Variants in CTNNA3 observed in about 807,000 individuals in gnomAD.
The protein encoded by CTNNA3 is catenin alpha 3.
CTNNA3 carries 76 observed loss-of-function variants against 95.7 expected under a neutral mutation model. That is an observed-to-expected ratio of 0.79 (90% confidence interval 0.66 to 0.96). The LOEUF (loss-of-function observed/expected upper bound fraction) is 0.96. Among genes scored for constraint, CTNNA3 ranks in the 40% least tolerant of loss-of-function variants. CTNNA3 has a pLI of 0.00. For missense variants in CTNNA3, 1,191 were observed against 1,089.8 expected, an observed-to-expected ratio of 1.09 and a Z score of -1.31; for synonymous variants, 431 against 374.4, an observed-to-expected ratio of 1.15 and a Z score of -1.74.
At chr10:66,380,376 T>A (rs1462996198) in intron 11 of CTNNA3, among the ~76,000 whole-genome samples, 1 of 151,938 alleles carries the variant, frequency 6.6e-6, no homozygotes, top group Non-Finnish European at 1.5e-5. Flanking sequence ...TTGGGAGACC[T>A]AGGAAGGAGG....
intron 5 of CTNNA3, among the ~76,000 whole-genome samples, chr10:67,282,239 C>T (rs1254503248): frequency 6.6e-6 from 1 of 152,070 alleles, no homozygotes; most frequent in Non-Finnish European, 1.5e-5. Context: ...TATTGAATCC[C>T]TACTATATGT....
intron 16 of CTNNA3, among the ~76,000 whole-genome samples, chr10:65,981,222 A>G (rs2078312932): frequency 6.6e-6 from 1 of 152,090 alleles, no homozygotes; most frequent in Non-Finnish European, 1.5e-5. Flanking sequence ...GAATTAAATC[A>G]AGAACTCAAC....
chr10:67,211,656 C>T (rs538004020), intron 6 of CTNNA3, among the ~76,000 whole-genome samples: 1 of 152,194 alleles, frequency 6.6e-6, no homozygotes, highest in African/African-American at 2.4e-5. Context: ...TCATATAATT[C>T]ATCCAATAGC....
chr10:67,229,005 G>A (rs918796674), intron 5 of CTNNA3, among the ~76,000 whole-genome samples: 1 of 151,914 alleles, frequency 6.6e-6, no homozygotes, highest in Admixed American at 6.6e-5. Context: ...ACCAGGAAAG[G>A]ACATAAACAA....
intron 6 of CTNNA3, among the ~76,000 whole-genome samples, chr10:67,192,847 G>C (rs1863179881): frequency 6.6e-6 from 1 of 151,844 alleles, no homozygotes; most frequent in Admixed American, 6.6e-5. Context: ...AACTACCTAA[G>C]CATCTGCAGA....
At chr10:67,097,902 A>C (rs1858108684) in intron 7 of CTNNA3, 2 of 949,044 alleles carry the variant, frequency 2.1e-6, no homozygotes, top group Admixed American at 2.4e-5. Flanking sequence ...AAAACACAAA[A>C]TCCCCTGTTC....
intron 12 of CTNNA3, among the ~76,000 whole-genome samples, chr10:66,288,295 T>C (rs537325587): frequency 2.6e-5 from 4 of 152,098 alleles, no homozygotes; most frequent in African/African-American, 9.6e-5. Flanking sequence ...TATGAGAAGA[T>C]AGATTTGTCT....
intron 9 of CTNNA3, among the ~76,000 whole-genome samples, chr10:66,671,610 A>T (rs929552044): frequency 1.3e-4 from 20 of 152,180 alleles, no homozygotes; most frequent in African/African-American, 4.3e-4. Flanking sequence ...ATTGTAATGA[A>T]AATGTTTTTA....
chr10:66,672,953 ATTC>A (rs1846717418), intron 9 of CTNNA3, among the ~76,000 whole-genome samples: 2 of 152,088 alleles, frequency 1.3e-5, no homozygotes, highest in African/African-American at 4.8e-5. Flanking sequence ...AAATTATTTT[ATTC>A]TTCTAAATAT....
chr10:67,727,140 A>AT (rs1841238382), intron 1 of CTNNA3, among the ~76,000 whole-genome samples: 1 of 122,674 alleles, frequency 8.2e-6, no homozygotes, highest in East Asian at 2.3e-4. Flanking sequence ...AATATATGAT[A>AT]CATATATTAT....
At chr10:66,246,048 G>A (rs535728413) in intron 13 of CTNNA3, among the ~76,000 whole-genome samples, 1 of 152,156 alleles carries the variant, frequency 6.6e-6, no homozygotes, top group Non-Finnish European at 1.5e-5. Context: ...CAGCTTTCAG[G>A]CCCTCTATGG....
At chr10:66,239,332 T>A (rs1309342472) in intron 13 of CTNNA3, among the ~76,000 whole-genome samples, 2 of 151,952 alleles carry the variant, frequency 1.3e-5, no homozygotes, top group African/African-American at 4.8e-5. Context: ...GCTTTTATTC[T>A]TTTAACTTTG....
rs10997691 is a variant in CTNNA3, at chr10:67,521,827, A to C, written c.579+15T>G. 0.13 allele frequency: 214,193 copies of C among 1,610,468 alleles called. 17,187 individuals are homozygous for C. The highest frequency in any genetic ancestry group is 0.31 in the East Asian group (13,770 of 44,842). On this transcript the variant is annotated intron_variant, in intron 5 of 17. Coordinates refer to ENST00000433211, the MANE Select transcript of CTNNA3 (RefSeq NM_013266.4). ...AGTGTTCATCTCCTCCACCAAGGAG[A>C]GCTCTGACTCCTACCTGCTGACGTT...
At chr10:66,328,274 CAG>C (rs1215826958) in intron 12 of CTNNA3, among the ~76,000 whole-genome samples, 2 of 152,022 alleles carry the variant, frequency 1.3e-5, no homozygotes, top group Non-Finnish European at 2.9e-5. Context: ...AATGGCAAAA[CAG>C]GGCTTAGATC....
At chr10:66,276,149 TCCCTG>T (rs2091393062) in intron 13 of CTNNA3, among the ~76,000 whole-genome samples, 1 of 152,104 alleles carries the variant, frequency 6.6e-6, no homozygotes, top group African/African-American at 2.4e-5. Flanking sequence ...ATGTTCCTAT[TCCCTG>T]ATATATAGAG....
intron 13 of CTNNA3, among the ~76,000 whole-genome samples, chr10:66,105,134 T>A (rs2081836650): frequency 6.6e-6 from 1 of 152,232 alleles, no homozygotes; most frequent in South Asian, 2.1e-4. Context: ...TTCAATGTGC[T>A]ATTTTTTATC....
At chr10:66,710,193 T>C (rs892481141) in intron 9 of CTNNA3, among the ~76,000 whole-genome samples, 1 of 152,148 alleles carries the variant, frequency 6.6e-6, no homozygotes, top group Non-Finnish European at 1.5e-5. Flanking sequence ...GTGTGGAAGA[T>C]GGTGTCTTCA....
In CTNNA3 at chr10:66,346,426, G is replaced by A. The variant is rs113311199; in HGVS notation, c.1732+32726C>T. On this transcript the variant is annotated intron_variant, in intron 12 of 17. Coordinates refer to ENST00000433211, the MANE Select transcript of CTNNA3 (RefSeq NM_013266.4). Reference sequence around the variant, plus strand: ...CCTGAGTAGCTGGGACTACACACATGCACCACCATGCTCGGCTAAGTTTTG... The same window carrying A: ...CCTGAGTAGCTGGGACTACACACATACACCACCATGCTCGGCTAAGTTTTG... Among the ~76,000 whole-genome samples the A allele has an allele frequency of 2.1e-3, 322 of 151,540 alleles. 2 individuals are homozygous for A. The highest frequency in any genetic ancestry group is 7.1e-3 in the African/African-American group (293 of 41,392).
At chr10:67,260,833 T>G (rs181082394) in intron 5 of CTNNA3, among the ~76,000 whole-genome samples, 1 of 151,992 alleles carries the variant, frequency 6.6e-6, no homozygotes, top group Non-Finnish European at 1.5e-5. Flanking sequence ...TACAGGCATG[T>G]GCCACCACAC....
Sources: gnomAD v4.1 joint callset for allele counts (sites outside exome capture counted in the v4.1 genomes callset) on GRCh38, gnomAD v4.1.1 for gene constraint, MANE v1.5 for transcripts, NCBI Gene and HGNC (gene_info 2026-07-23, HGNC 2026-07-21) for gene names.